The following ADARB2 variants were observed in gnomAD, a reference collection of about 807,000 sequenced individuals.
The protein encoded by ADARB2 is inactive double-stranded RNA-specific editase B2.
A neutral mutation model predicts 62.2 loss-of-function variants in ADARB2; 25 were observed. The observed-to-expected ratio is 0.40, with a 90% confidence interval of 0.29 to 0.56. The LOEUF is 0.56. ADARB2 is among the 20% of genes least tolerant of loss of function. ADARB2 has a pLI of 0.43. For missense variants in ADARB2, 1,071 were observed against 1,077.4 expected (o/e 0.99, Z 0.08); for synonymous variants, 572 against 500.8 (o/e 1.14, Z -1.90).
chr10:1,506,476 TGC>T (rs1185911747), intron 1 of ADARB2, among the ~76,000 whole-genome samples: 8 of 152,218 alleles, frequency 5.3e-5, no homozygotes, highest in African/African-American at 1.9e-4. Flanking sequence ...AGCAAAACTC[TGC>T]AGCGCTTTTC....
intron 1 of ADARB2, among the ~76,000 whole-genome samples, chr10:1,487,968 T>G (rs758869226): frequency 2.2e-4 from 34 of 152,196 alleles, no homozygotes; most frequent in Non-Finnish European, 2.5e-4. Flanking sequence ...AATTAGAGTC[T>G]TTCCATTGTA....
chr10:1,729,218 A>G (rs1019911148), intron 1 of ADARB2, among the ~76,000 whole-genome samples: 4 of 152,258 alleles, frequency 2.6e-5, no homozygotes, highest in African/African-American at 4.8e-5. Flanking sequence ...TACCTAAGGA[A>G]TAGTAAAAGG....
At chr10:1,207,874 C>A (rs1443794842) in intron 7 of ADARB2, among the ~76,000 whole-genome samples, 2 of 152,218 alleles carry the variant, frequency 1.3e-5, no homozygotes, top group Non-Finnish European at 2.9e-5. Context: ...AAGCTAAAAG[C>A]ACCTCTGCAG....
At chr10:1,310,970 A>G (rs1412026414) in intron 3 of ADARB2, among the ~76,000 whole-genome samples, 1 of 152,182 alleles carries the variant, frequency 6.6e-6, no homozygotes, top group East Asian at 1.9e-4. Flanking sequence ...GTAAATGTGG[A>G]TTTCGATTAT....
At chr10:1,520,205 A>G (rs1463268066) in intron 1 of ADARB2, among the ~76,000 whole-genome samples, 1 of 152,232 alleles carries the variant, frequency 6.6e-6, no homozygotes, top group Non-Finnish European at 1.5e-5. Flanking sequence ...CATATAATAC[A>G]TTGTTAGGTT....
intron 1 of ADARB2, among the ~76,000 whole-genome samples, chr10:1,596,661 G>A (rs1481169705): frequency 6.6e-6 from 1 of 152,182 alleles, no homozygotes; most frequent in African/African-American, 2.4e-5. Context: ...GACCAGGGGA[G>A]CACTGCTCAG....
chr10:1,630,723 G>A (rs1287988935), intron 1 of ADARB2, among the ~76,000 whole-genome samples: 2 of 152,156 alleles, frequency 1.3e-5, no homozygotes, highest in African/African-American at 2.4e-5. Flanking sequence ...TTGGGAGGCC[G>A]AGGTGGGCAG....
intron 3 of ADARB2, among the ~76,000 whole-genome samples, chr10:1,281,471 C>T (rs1403257443): frequency 6.6e-6 from 1 of 152,238 alleles, no homozygotes; most frequent in Admixed American, 6.5e-5. Flanking sequence ...TTGTGCTGGT[C>T]GATCCTGGTC....
chr10:1,734,413 A>G (rs1835275092), intron 1 of ADARB2, among the ~76,000 whole-genome samples: 1 of 152,022 alleles, frequency 6.6e-6, no homozygotes, highest in South Asian at 2.1e-4. Flanking sequence ...ACTTAATGAA[A>G]GTATTGTGTC....
chr10:1,373,792 GCGCACCTTTCCTAGTGAGACCGCGTGGA>G (rs1470407415), intron 2 of ADARB2, among the ~76,000 whole-genome samples: 84 of 83,576 alleles, frequency 1.0e-3, no homozygotes, highest in South Asian at 2.1e-3. Flanking sequence ...CGTGGACTCC[GCGCACCTTTCCTAGTGAGACCGCGTGGA>G]CTCCGCGCAC....
chr10:1,521,425 G>T (rs1832072867), intron 1 of ADARB2, among the ~76,000 whole-genome samples: 1 of 152,126 alleles, frequency 6.6e-6, no homozygotes, highest in Admixed American at 6.5e-5. Flanking sequence ...ACATTCTAAG[G>T]CCCCCTAAGC....
At chr10:1,393,767 G>A (rs1345881802) in intron 1 of ADARB2, among the ~76,000 whole-genome samples, 6 of 152,322 alleles carry the variant, frequency 3.9e-5, no homozygotes, top group East Asian at 1.9e-4. Context: ...AGATGTGAGC[G>A]GTGGGCACAG....
rs1834870570 is a variant in ADARB2, at chr10:1,704,979, C to T, written c.100+32072G>A. Among the ~76,000 whole-genome samples, 4 of 152,184 alleles carry T rather than the reference C, an allele frequency of 2.6e-5. No homozygotes were observed. In the South Asian group the frequency reaches 8.3e-4, roughly 32 times the overall value. On this transcript the variant is annotated intron_variant, in intron 1 of 9. Coordinates refer to ENST00000381312, the MANE Select transcript of ADARB2 (RefSeq NM_018702.4). This position sits in a 1 kb window ranked among gnomAD's most constrained non-coding sequence, Gnocchi z 5.6. ...GAGGCAATAACCCCATGAGCACAGACCCACAGGCAAAGCCCTGGGAGAAGT... is the reference window on the plus strand; with the variant it reads ...GAGGCAATAACCCCATGAGCACAGATCCACAGGCAAAGCCCTGGGAGAAGT...
intron 5 of ADARB2, among the ~76,000 whole-genome samples, chr10:1,241,274 G>A (rs748199122): frequency 6.3e-4 from 96 of 152,122 alleles, no homozygotes; most frequent in Non-Finnish European, 1.2e-3. Context: ...AAAAGAATGA[G>A]CTGAGTGTGT....
intron 1 of ADARB2, among the ~76,000 whole-genome samples, chr10:1,710,994 G>A (rs552609803): frequency 1.8e-4 from 28 of 152,200 alleles, no homozygotes; most frequent in African/African-American, 6.5e-4. Context: ...TTCCATGTTT[G>A]AAAGTTAGTT....
At position 1,587,941 on chromosome 10, in the gene ADARB2, G is replaced by C. The variant is rs144635718; in HGVS notation, c.100+149110C>G. 7.8e-3 allele frequency among the ~76,000 whole-genome samples: 1,188 copies of C among 152,124 alleles called. 14 individuals are homozygous for C. The highest frequency in any genetic ancestry group is 0.027 in the African/African-American group (1,109 of 41,504). On this transcript the variant is annotated intron_variant, in intron 1 of 9. Transcript: ENST00000381312. Reference sequence around the variant, plus strand: ...CTTTCATCCTCTGCCATGATTGTGAGGCCTCCCTAGTCTCATGGAACTGTG... The same window carrying C: ...CTTTCATCCTCTGCCATGATTGTGACGCCTCCCTAGTCTCATGGAACTGTG...
intron 1 of ADARB2, among the ~76,000 whole-genome samples, chr10:1,703,967 G>A (rs886922304): frequency 9.2e-5 from 14 of 152,350 alleles, no homozygotes; most frequent in East Asian, 5.8e-4. Flanking sequence ...CTAGCAAGCC[G>A]TGATTGATTT....
intron 1 of ADARB2, among the ~76,000 whole-genome samples, chr10:1,562,113 C>T (rs1210931183): frequency 6.6e-6 from 1 of 152,202 alleles, no homozygotes; most frequent in African/African-American, 2.4e-5. Context: ...CGTGTCCTCT[C>T]TTCTCAGGGA....
At chr10:1,294,870 G>T (rs996721283) in intron 3 of ADARB2, among the ~76,000 whole-genome samples, 7 of 152,180 alleles carry the variant, frequency 4.6e-5, no homozygotes, top group African/African-American at 1.7e-4. Flanking sequence ...CTCCTGGGGA[G>T]ATTTAAAAAC....
Sources: allele counts gnomAD v4.1 joint callset (sites outside exome capture counted in the v4.1 genomes callset), GRCh38; gene constraint gnomAD v4.1.1; non-coding constraint Gnocchi (gnomAD v3.1); transcripts MANE v1.5; gene names NCBI Gene and HGNC (gene_info 2026-07-23, HGNC 2026-07-21).